Variants in RHOBTB1 observed in about 807,000 individuals in gnomAD.
RHOBTB1 encodes rho-related BTB domain-containing protein 1.
In RHOBTB1, 40 loss-of-function variants were observed where a neutral mutation model predicts 71.6. The ratio of observed to expected loss-of-function variants is 0.56; its 90% confidence interval spans 0.43 to 0.73. The LOEUF (loss-of-function observed/expected upper bound fraction) is 0.73. Among genes scored for constraint, RHOBTB1 ranks in the 30% least tolerant of loss-of-function variants. The probability of loss-of-function intolerance (pLI) is 0.00; values close to 1 mark genes in which losing one functional copy is unlikely to be tolerated. For missense variants in RHOBTB1, 797 were observed against 894.0 expected (o/e 0.89, Z 1.38); for synonymous variants, 319 against 334.9 (o/e 0.95, Z 0.52).
Position 60,940,085 on chromosome 10 carries a change from A to G in RHOBTB1, c.-11+1719T>C, listed in dbSNP as rs1170786356. ...ATAGTGCTGTTATAGAATGTGACCT[A>G]TTTTGTAATGATCCATTACATAACA... On this transcript the variant is annotated intron_variant, in intron 2 of 10. Transcript: ENST00000337910. Among the ~76,000 whole-genome samples the G allele has an allele frequency of 3.3e-5, 5 of 152,152 alleles. No individual in the cohort carries two copies. In the South Asian group the frequency reaches 1.0e-3, roughly 31 times the overall value.
upstream of RHOBTB1, among the ~76,000 whole-genome samples, chr10:60,948,920 G>T (rs900459249): frequency 1.3e-5 from 2 of 152,196 alleles, no homozygotes; most frequent in African/African-American, 4.8e-5. Flanking sequence ...TAAGAAGGCT[G>T]GGCACTGGCC....
At position 60,869,546 on chromosome 10, in the gene RHOBTB1, T is replaced by C. The variant is rs2132122481; in HGVS notation, c.*1936A>G. On this transcript the variant is annotated 3_prime_UTR_variant, in exon 11 of 11. Coordinates refer to ENST00000337910, the MANE Select transcript of RHOBTB1 (RefSeq NM_014836.5). ...TCAACCAAATGAACCAGCCACTTGG[T>C]TACAGTAGCTGATAACAACACTAGT... 1 of 152,716 alleles carries C rather than the reference T, an allele frequency of 6.5e-6. No individual in the cohort carries two copies. Among genetic ancestry groups the C allele is most frequent in the East Asian group, 1.9e-4 (1 of 5,182 alleles). 9.5% of individuals were successfully genotyped at this position (152,716 alleles called of 1,614,324 possible). A position where few individuals can be genotyped will look rare whatever the true frequency, so the allele number is the denominator to read the frequency against.
chr10:60,886,263 C>A, intron 6 of RHOBTB1, 33 bp from the exon 7 acceptor site: 2 of 1,557,878 alleles, frequency 1.3e-6, no homozygotes, highest in Non-Finnish European at 1.8e-6. Context: ...CAACCATGAG[C>A]CAACTTTGCT....
intron 2 of RHOBTB1, among the ~76,000 whole-genome samples, chr10:60,926,924 T>C (rs1010060892): frequency 1.3e-5 from 2 of 152,186 alleles, no homozygotes; most frequent in African/African-American, 4.8e-5. Flanking sequence ...CAAATTGTAA[T>C]GGAAGAAGTC....
Position 60,877,925 on chromosome 10 carries a change from T to C in RHOBTB1, c.1709A>G (p.His570Arg). ...ATCCTTACCTGCAAGTGCAACCAAG[T>C]GTGGCAGGCAAAATCTGTTTGCCAA... is the stretch of plus-strand genomic sequence containing the variant. ...IALANRFCLP[H>R]LVALAEQHAV... The change falls in exon 8 of 11, where the codon CAC becomes CGC. Residue 570 changes from histidine (H) to arginine (R), a missense_variant. His to Arg is a conservative substitution (Grantham distance 29). Transcript: ENST00000337910. 1 of 1,613,876 alleles carries C rather than the reference T, an allele frequency of 6.2e-7. No homozygotes were observed.
chr10:60,935,433 G>A (rs2134064484), intron 2 of RHOBTB1, among the ~76,000 whole-genome samples: 1 of 152,122 alleles, frequency 6.6e-6, no homozygotes, highest in Non-Finnish European at 1.5e-5. Flanking sequence ...AAAACTTTTT[G>A]TTATATACTG....
At chr10:60,931,814 G>C (rs879385256) in intron 2 of RHOBTB1, among the ~76,000 whole-genome samples, 12 of 152,058 alleles carry the variant, frequency 7.9e-5, no homozygotes, top group Admixed American at 7.2e-4. Context: ...CTGAGTATCA[G>C]ACACAGAAAT....
At chr10:60,886,373 T>A (rs1454532746) in intron 6 of RHOBTB1, 143 bp from the exon 7 acceptor site, 9 of 624,440 alleles carry the variant, frequency 1.4e-5, no homozygotes, top group East Asian at 8.2e-5. Context: ...TCAATCCCCA[T>A]CTTTGAGCTT....
intron 1 of RHOBTB1, among the ~76,000 whole-genome samples, chr10:60,998,056 C>T (rs1460260240): frequency 6.6e-6 from 1 of 152,180 alleles, no homozygotes; most frequent in Admixed American, 6.5e-5. Context: ...TTTCTATTAT[C>T]ATTCTGAGCT....
At chr10:60,963,085 A>G (rs1222129845) in intron 2 of RHOBTB1, among the ~76,000 whole-genome samples, 1 of 152,162 alleles carries the variant, frequency 6.6e-6, no homozygotes, top group Non-Finnish European at 1.5e-5. Flanking sequence ...TATAATTTGC[A>G]ACCAAAGCAA....
intron 7 of RHOBTB1, among the ~76,000 whole-genome samples, chr10:60,878,633 G>T (rs975690709): frequency 6.6e-6 from 1 of 152,228 alleles, no homozygotes; most frequent in South Asian, 2.1e-4. Flanking sequence ...CTACTGGAAC[G>T]TTATCAGTTA....
intron 2 of RHOBTB1, among the ~76,000 whole-genome samples, chr10:60,970,463 T>C (rs2086115053): frequency 6.6e-6 from 1 of 152,168 alleles, no homozygotes; most frequent in African/African-American, 2.4e-5. Context: ...TACTGATCCA[T>C]ATAATTCAGA....
chr10:60,930,570 C>T (rs2084184480), intron 2 of RHOBTB1, among the ~76,000 whole-genome samples: 1 of 152,202 alleles, frequency 6.6e-6, no homozygotes, highest in Admixed American at 6.5e-5. Context: ...ACATGAAGCA[C>T]TGTCTTAGCA....
intron 7 of RHOBTB1, among the ~76,000 whole-genome samples, chr10:60,882,841 A>C (rs1297476658): frequency 6.6e-6 from 1 of 152,184 alleles, no homozygotes; most frequent in Non-Finnish European, 1.5e-5. Context: ...TCCGGGGACA[A>C]ATACCCTTAA....
the RHOBTB1 span, among the ~76,000 whole-genome samples, chr10:60,863,558 A>C: frequency 3.9e-5 from 6 of 151,906 alleles, no homozygotes; most frequent in Non-Finnish European, 7.4e-5. Flanking sequence ...TTTGAGATGA[A>C]GTCTCTCCCT....
At chr10:60,902,330 C>A (rs1463632306) in intron 4 of RHOBTB1, among the ~76,000 whole-genome samples, 1 of 152,138 alleles carries the variant, frequency 6.6e-6, no homozygotes, top group Non-Finnish European at 1.5e-5. Context: ...TAACACGTAT[C>A]TGTTTGTTTT....
chr10:60,898,918 C>T (rs1368876563), intron 4 of RHOBTB1, among the ~76,000 whole-genome samples: 1 of 152,118 alleles, frequency 6.6e-6, no homozygotes, highest in African/African-American at 2.4e-5. Flanking sequence ...GCCACCAAAC[C>T]CTAAGGTAGA....
In RHOBTB1 at chr10:60,888,432, C is replaced by T; in HGVS notation, c.1236G>A (p.Arg412=). The T allele has an allele frequency of 1.2e-6, 2 of 1,614,148 alleles. No homozygotes were observed. Among genetic ancestry groups the T allele is most frequent in the Non-Finnish European group, 1.7e-6 (2 of 1,180,022 alleles). Residue 412 remains arginine, a synonymous_variant, in exon 6 of 11, where the codon CGG becomes CGA. Coordinates refer to ENST00000337910, the MANE Select transcript of RHOBTB1 (RefSeq NM_014836.5). Reference sequence around the variant, plus strand: ...CCGTATAAAGAAACTGGAGCAGGGTCCGAAAAGGGCCTGGCTGGACTGAAG... The same window carrying T: ...CCGTATAAAGAAACTGGAGCAGGGTTCGAAAAGGGCCTGGCTGGACTGAAG... ...MDASVQPGPF[R]TLLQFLYTGQ... is the part of the protein sequence containing the mutation.
rs923539349 is a variant in RHOBTB1 at position 60,889,624 on chromosome 10, T to G, written c.483-439A>C. 2.6e-5 allele frequency among the ~76,000 whole-genome samples: 4 copies of G among 152,164 alleles called. No homozygotes were observed. The East Asian group carries it at 7.7e-4, about 29-fold the overall frequency. Reference sequence around the variant, plus strand: ...AGAACTTTTCATTTACATGACCATGTGCCTAAATAGAGAGTGTTTTACTTC... The same window carrying G: ...AGAACTTTTCATTTACATGACCATGGGCCTAAATAGAGAGTGTTTTACTTC... On this transcript the variant is annotated intron_variant, in intron 5 of 10. Coordinates refer to ENST00000337910, the MANE Select transcript of RHOBTB1 (RefSeq NM_014836.5).
Sources: gnomAD v4.1 joint callset for allele counts (sites outside exome capture counted in the v4.1 genomes callset) on GRCh38, gnomAD v4.1.1 for gene constraint, MANE v1.5 for transcripts, NCBI Gene and HGNC (gene_info 2026-07-23, HGNC 2026-07-21) for gene names.